ATP8B4: variants seen among roughly 807,000 people sequenced by gnomAD.
The protein encoded by ATP8B4 is ATPase phospholipid transporting 8B4 (putative), also known as probable phospholipid-transporting ATPase IM.
Under a neutral mutation model 145.6 loss-of-function variants are expected in ATP8B4, and 133 were observed. That is an observed-to-expected ratio of 0.91 (90% confidence interval 0.79 to 1.05). The LOEUF is 1.05. ATP8B4 is among the 50% of genes least tolerant of loss of function. The probability of loss-of-function intolerance (pLI) is 0.00; values close to 1 mark genes in which losing one functional copy is unlikely to be tolerated. For synonymous variants in ATP8B4, 507 were observed against 492.9 expected, an observed-to-expected ratio of 1.03 and a Z score of -0.38; for missense variants, 1,458 against 1,425.2, an observed-to-expected ratio of 1.02 and a Z score of -0.37.
At chr15:50,039,184 AT>A (rs1454952187) in intron 5 of ATP8B4, among the ~76,000 whole-genome samples, 1 of 152,162 alleles carries the variant, frequency 6.6e-6, no homozygotes, top group East Asian at 1.9e-4. Flanking sequence ...TGGGGCTTCC[AT>A]TTCTCTCCCA....
intron 23 of ATP8B4, among the ~76,000 whole-genome samples, chr15:49,892,141 C>T (rs1272583187): frequency 6.6e-6 from 1 of 151,002 alleles, no homozygotes; most frequent in Non-Finnish European, 1.5e-5. Context: ...TCTTAAAAGT[C>T]TATAGACTCA....
At chr15:49,963,690 T>C (rs1438834373) in intron 13 of ATP8B4, among the ~76,000 whole-genome samples, 3 of 152,134 alleles carry the variant, frequency 2.0e-5, no homozygotes, top group East Asian at 1.9e-4. Flanking sequence ...TTCTCACTTA[T>C]AAGTGGGAGC....
rs530642845 is a variant in ATP8B4 at position 49,957,671 on chromosome 15, T to C, written c.1287+4306A>G. 3.3e-5 allele frequency among the ~76,000 whole-genome samples: 5 copies of C among 152,116 alleles called. 1 individual carries two copies. Among genetic ancestry groups the C allele is most frequent in the African/African-American group, 1.2e-4 (5 of 41,550 alleles). On this transcript the variant is annotated intron_variant, in intron 14 of 27. Coordinates refer to ENST00000284509, the MANE Select transcript of ATP8B4 (RefSeq NM_024837.4). ...GACGTTTAAATCAGGCCAAGAAGAATTGAATGAGTCAAAAAAGAGTACTTT... is the reference window on the plus strand; with the variant it reads ...GACGTTTAAATCAGGCCAAGAAGAACTGAATGAGTCAAAAAAGAGTACTTT...
chr15:50,128,950 C>A (rs2057325671), intron 1 of ATP8B4, among the ~76,000 whole-genome samples: 1 of 152,182 alleles, frequency 6.6e-6, no homozygotes, highest in South Asian at 2.1e-4. Context: ...CACCTGTAAT[C>A]TCAGCTACTC....
At chr15:49,898,916 T>A (rs1033618670) in intron 21 of ATP8B4, among the ~76,000 whole-genome samples, 1 of 152,200 alleles carries the variant, frequency 6.6e-6, no homozygotes, top group Non-Finnish European at 1.5e-5. Context: ...CTAAAAAAGA[T>A]AGCACAATCC....
rs1364037056 is a variant in ATP8B4, at chr15:50,044,659, T to C, written c.235A>G (p.Thr79Ala). The C allele has an allele frequency of 1.9e-6, 3 of 1,613,430 alleles. No homozygotes were observed. The highest frequency in any genetic ancestry group is 2.5e-6 in the Non-Finnish European group (3 of 1,179,692). ...ACCAGGACCAAAGGCACAATGGTGG[T>C]AAACCAGGTCAAGGAGGAAATTTCT... Reference protein sequence around the residue: ...IPEISSLTWFTTIVPLVLVIT... With the variant: ...IPEISSLTWFATIVPLVLVIT... Residue 79 changes from threonine (T) to alanine (A), a missense_variant, in exon 5 of 28, where the codon ACC (threonine) becomes GCC (alanine). Thr to Ala is a moderately conservative substitution (Grantham distance 58). Coordinates refer to ENST00000284509, the MANE Select transcript of ATP8B4 (RefSeq NM_024837.4).
Position 49,973,777 on chromosome 15 carries a change from A to T in ATP8B4, c.1035-987T>A, listed in dbSNP as rs114233330. ...CATACATAATGCCAAACTAATTTCC[A>T]AAAACGTCATAGCAACATAAGTTTC... On this transcript the variant is annotated intron_variant, in intron 12 of 27. Coordinates refer to ENST00000284509, the MANE Select transcript of ATP8B4 (RefSeq NM_024837.4). Among the ~76,000 whole-genome samples, 714 of 152,348 alleles carry T rather than the reference A, an allele frequency of 4.7e-3. 10 individuals are homozygous for T. The highest frequency in any genetic ancestry group is 0.016 in the African/African-American group (679 of 41,594).
At chr15:50,081,261 C>T (rs1409560707) in intron 2 of ATP8B4, among the ~76,000 whole-genome samples, 1 of 152,068 alleles carries the variant, frequency 6.6e-6, no homozygotes, top group Non-Finnish European at 1.5e-5. Context: ...AAAATAATGC[C>T]ACTGTGTGTT....
In ATP8B4 at chr15:49,897,274, A is replaced by C; in HGVS notation, c.2697+18T>G. 6.3e-7 allele frequency: 1 copy of C among 1,575,920 alleles called. No individual in the cohort carries two copies. Among genetic ancestry groups the C allele is most frequent in the Non-Finnish European group, 8.7e-7 (1 of 1,151,702 alleles). On this transcript the variant is annotated intron_variant, in intron 23 of 27. Transcript: ENST00000284509. ...AACAAACAAACAAACAAACAAAAAA[A>C]AACATGCTTTTACCAACCTGGGCTG...
intron 2 of ATP8B4, among the ~76,000 whole-genome samples, chr15:50,105,578 GA>G (rs1377883545): frequency 1.3e-5 from 2 of 152,010 alleles, no homozygotes; most frequent in East Asian, 3.9e-4. Context: ...TCCATTTGGG[GA>G]TATATATTTG....
At chr15:50,085,839 G>C (rs1336118178) in intron 2 of ATP8B4, among the ~76,000 whole-genome samples, 8 of 100,222 alleles carry the variant, frequency 8.0e-5, no homozygotes, top group African/African-American at 1.2e-4. Flanking sequence ...ATATGATATA[G>C]ATTATTTTAT....
At chr15:49,944,409 G>A (rs1293525274) in intron 14 of ATP8B4, among the ~76,000 whole-genome samples, 1 of 152,118 alleles carries the variant, frequency 6.6e-6, no homozygotes, top group African/African-American at 2.4e-5. Flanking sequence ...ACAAAAGAGA[G>A]AAGAGGTGGT....
chr15:49,997,748 A>T (rs1214467917), intron 8 of ATP8B4, among the ~76,000 whole-genome samples: 2 of 152,174 alleles, frequency 1.3e-5, no homozygotes, highest in African/African-American at 4.8e-5. Flanking sequence ...TGAATTTCAC[A>T]ATGATGTAGG....
chr15:49,860,302 T>G lies in ATP8B4; in HGVS notation c.3471A>C (p.Ser1157=). ...TATTATAATGTGTCTTTTCCAGCCC[T>G]GATGTTGGGGGTGGATTTTTAGCTC... ...NMRAKNPPPT[S]GLEKTHYNST... Residue 1157 remains serine (S), a synonymous_variant, in exon 28 of 28, where the codon TCA becomes TCC. Coordinates refer to ENST00000284509, the MANE Select transcript of ATP8B4 (RefSeq NM_024837.4). 1.9e-6 allele frequency: 3 copies of G among 1,614,162 alleles called. No individual in the cohort carries two copies. The highest frequency in any genetic ancestry group is 1.7e-6 in the Non-Finnish European group (2 of 1,180,002).
intron 2 of ATP8B4, among the ~76,000 whole-genome samples, chr15:50,092,346 C>T (rs1031876668): frequency 2.0e-5 from 3 of 151,850 alleles, no homozygotes; most frequent in Non-Finnish European, 2.9e-5. Flanking sequence ...CAATATCTAG[C>T]GTTCAATAAC....
At chr15:49,930,392 T>G (rs1234169522) in intron 16 of ATP8B4, among the ~76,000 whole-genome samples, 1 of 152,020 alleles carries the variant, frequency 6.6e-6, no homozygotes, top group African/African-American at 2.4e-5. Context: ...AGGTTTAGAA[T>G]ATCTATTGTG....
intron 14 of ATP8B4, among the ~76,000 whole-genome samples, chr15:49,954,176 T>G (rs2153497104): frequency 6.6e-6 from 1 of 152,336 alleles, no homozygotes; most frequent in East Asian, 1.9e-4. Context: ...ACTGGCTTTC[T>G]TGCTCCTCAG....
At chr15:50,178,358 C>G (rs1238380732) in intron 1 of ATP8B4, among the ~76,000 whole-genome samples, 2 of 152,190 alleles carry the variant, frequency 1.3e-5, no homozygotes, top group Non-Finnish European at 2.9e-5. Context: ...AGTCCAAGAT[C>G]TGGCTCTATT....
At chr15:50,139,003 T>C (rs1012171321) in intron 1 of ATP8B4, among the ~76,000 whole-genome samples, 1 of 152,192 alleles carries the variant, frequency 6.6e-6, no homozygotes, top group Non-Finnish European at 1.5e-5. Context: ...TGTAAATTAG[T>C]TCAACCATTG....
Sources: gnomAD v4.1 joint callset for allele counts (sites outside exome capture counted in the v4.1 genomes callset) on GRCh38, gnomAD v4.1.1 for gene constraint, MANE v1.5 for transcripts, NCBI Gene and HGNC (gene_info 2026-07-23, HGNC 2026-07-21) for gene names.